Variants in CNOT1 observed in about 807,000 individuals in gnomAD.
CNOT1 encodes the protein CCR4-NOT transcription complex subunit 1.
In CNOT1, 15 loss-of-function variants were observed where a neutral mutation model predicts 273.8. The ratio of observed to expected loss-of-function variants is 0.05; its 90% CI spans 0.04 to 0.08. The LOEUF (loss-of-function observed/expected upper bound fraction) is 0.08. Ranked by LOEUF, CNOT1 falls within the 10% of genes least tolerant of loss-of-function variation. CNOT1 has a pLI of 1.00. For missense variants in CNOT1, 1,644 were observed against 2,912.2 expected, an observed-to-expected ratio of 0.56 and a Z score of 10.02; for synonymous variants, 1,022 against 1,005.5, an observed-to-expected ratio of 1.02 and a Z score of -0.31.
intron 16 of CNOT1, among the ~76,000 whole-genome samples, chr16:58,567,093 G>A (rs1028894280): frequency 6.6e-6 from 1 of 152,018 alleles, no homozygotes; most frequent in Non-Finnish European, 1.5e-5. Context: ...AGGTTGCATT[G>A]AGCTATGATT....
chr16:58,594,574 C>T (rs1287110599), intron 2 of CNOT1, among the ~76,000 whole-genome samples: 3 of 151,956 alleles, frequency 2.0e-5, no homozygotes, highest in Non-Finnish European at 4.4e-5. Context: ...GAGGCTGAGG[C>T]GGGTAGATCA....
chr16:58,592,173 T>C (rs1402196209), intron 2 of CNOT1, among the ~76,000 whole-genome samples: 17 of 152,194 alleles, frequency 1.1e-4, no homozygotes, highest in Admixed American at 1.1e-3. Flanking sequence ...GGCTTAATTT[T>C]AGAGGATAAA....
chr16:58,546,969 A>AAAAAC (rs1450453861), intron 27 of CNOT1, among the ~76,000 whole-genome samples: 6 of 152,198 alleles, frequency 3.9e-5, no homozygotes, highest in African/African-American at 1.4e-4. Context: ...ATCACATTTC[A>AAAAAC]AAAACAAAAC....
Position 58,528,550 on chromosome 16 carries a change from G to C in CNOT1, c.6378C>G (p.Ile2126Met). 1 of 1,612,634 alleles carries C rather than the reference G, an allele frequency of 6.2e-7. No homozygotes were observed. The highest frequency in any genetic ancestry group is 8.5e-7 in the Non-Finnish European group (1 of 1,178,778). ...CACTCAGGATCAAATTTCTTAACTG[G>C]ATACAATTAGGTGGGATCACATCAC... is the stretch of plus-strand genomic sequence containing the variant. ...GFCDVIPPNC[I>M]QLRNLILSAF... Residue 2126 changes from isoleucine (I) to methionine (M), a missense_variant, in exon 44 of 49, where the codon ATC becomes ATG. By Grantham distance (10) the Ile-to-Met change is conservative (BLOSUM62 1). This residue lies in a region of CNOT1 where 140 missense variants were observed against 324.6 expected (regional missense o/e 0.43). Coordinates refer to ENST00000317147, the MANE Select transcript of CNOT1 (RefSeq NM_016284.5).
In CNOT1 at chr16:58,600,272, A is replaced by AGGGATATGGAGGTTGC. The variant is rs11276191; in HGVS notation, c.-174-762_-174-761insGCAACCTCCATATCCC. ...CTGAGGCAGGGGAATTGCTTGAACC[A>AGGGATATGGAGGTTGC]GGTGAGCCGAGATCATGCCACTGCA... On this transcript the variant is annotated intron_variant, in intron 1 of 48. Transcript: ENST00000317147. Among the ~76,000 whole-genome samples the AGGGATATGGAGGTTGC allele has an allele frequency of 5.3e-5, 8 of 151,840 alleles. No homozygotes were observed. The East Asian group carries it at 7.7e-4, about 15-fold the overall frequency.
At chr16:58,530,482 A>G in intron 42 of CNOT1, 135 bp from the exon 43 acceptor site, 2 of 569,378 alleles carry the variant, frequency 3.5e-6, no homozygotes, top group South Asian at 3.8e-5. Context: ...AAGTACTTTT[A>G]CAAAAGATCG....
chr16:58,565,827 C>A (rs1186262745), intron 16 of CNOT1, among the ~76,000 whole-genome samples: 2 of 151,978 alleles, frequency 1.3e-5, no homozygotes, highest in Admixed American at 1.3e-4. Context: ...CGCCTGTCGT[C>A]CCAGCTACTC....
intron 2 of CNOT1, among the ~76,000 whole-genome samples, chr16:58,598,394 T>A (rs890199796): frequency 1.1e-5 from 1 of 94,770 alleles, no homozygotes; most frequent in African/African-American, 3.8e-5. Context: ...CAAGACTCCA[T>A]CTCAAAAAAA....
At chr16:58,626,368 T>C (rs151814) in intron 1 of CNOT1, among the ~76,000 whole-genome samples, 110,465 of 146,206 alleles carry the variant, frequency 0.76, 41,978 homozygotes, top group Middle Eastern at 0.87. Flanking sequence ...GATTCCACCA[T>C]TGCACTCCAG....
chr16:58,525,463 C>T (rs1195244483), intron 45 of CNOT1, 104 bp from the exon 46 acceptor site: 2 of 921,452 alleles, frequency 2.2e-6, no homozygotes, highest in African/African-American at 3.3e-5. Context: ...AAAGGCCAAA[C>T]ATTTATTGTG....
chr16:58,602,575 A>AC (rs2042512991), intron 1 of CNOT1, among the ~76,000 whole-genome samples: 1 of 149,244 alleles, frequency 6.7e-6, no homozygotes, highest in Admixed American at 6.9e-5. Context: ...AAAAAAAAAA[A>AC]AACCCATCCA....
intron 2 of CNOT1, chr16:58,597,548 G>T (rs2042308465): frequency 3.8e-6 from 1 of 266,148 alleles, no homozygotes; most frequent in Non-Finnish European, 7.3e-6. Flanking sequence ...AAAAAAAGTT[G>T]AGAATGAATG....
rs1251321840 is a variant in CNOT1 at position 58,622,342 on chromosome 16, GGGGGGGGGC to G, written c.-175+7377_-175+7385del. Among the ~76,000 whole-genome samples the G allele has an allele frequency of 1.4e-3, 86 of 61,838 alleles. 16 individuals are homozygous for G. Among genetic ancestry groups the G allele is most frequent in the African/African-American group, 3.7e-3 (86 of 23,284 alleles). The allele number at this position is 61,838 out of a possible 152,430, so 40.6% of individuals were successfully genotyped here. Reference sequence around the variant, plus strand: ...AAATGTACCACTCTAGTGGGGGGGGGGGGGGGGGCGGGCGTGGACAATGGGCAAGGCAAA... The same window carrying G: ...AAATGTACCACTCTAGTGGGGGGGGGGGGCGTGGACAATGGGCAAGGCAAA... On this transcript the variant is annotated intron_variant, in intron 1 of 48. Transcript: ENST00000317147.
At chr16:58,554,215 AAAAC>A (rs1306368424) in intron 21 of CNOT1, among the ~76,000 whole-genome samples, 6 of 152,340 alleles carry the variant, frequency 3.9e-5, no homozygotes, top group African/African-American at 1.4e-4. Flanking sequence ...TGTAAAAAAA[AAAAC>A]AGACTACTGA....
chr16:58,524,355 A>G (rs535009003), intron 46 of CNOT1, among the ~76,000 whole-genome samples: 12 of 151,890 alleles, frequency 7.9e-5, no homozygotes, highest in Admixed American at 5.9e-4. Flanking sequence ...CTACACTGGA[A>G]TAAGTATTAT....
intron 16 of CNOT1, among the ~76,000 whole-genome samples, chr16:58,570,206 A>G (rs1395922660): frequency 3.3e-5 from 5 of 152,258 alleles, no homozygotes; most frequent in Non-Finnish European, 7.3e-5. Flanking sequence ...ATTCATTGCT[A>G]GCAGTCCTGC....
At chr16:58,622,997 A>G (rs1434965945) in intron 1 of CNOT1, among the ~76,000 whole-genome samples, 1 of 152,140 alleles carries the variant, frequency 6.6e-6, no homozygotes, top group Non-Finnish European at 1.5e-5. Context: ...CAGGAGTTCG[A>G]GACCAGCCTG....
In CNOT1 at chr16:58,555,500, A is replaced by G; in HGVS notation, c.2642T>C (p.Ile881Thr). 2 of 1,613,976 alleles carry G rather than the reference A, an allele frequency of 1.2e-6. No homozygotes were observed. The highest frequency in any genetic ancestry group is 1.7e-6 in the Non-Finnish European group (2 of 1,180,024). The change falls in exon 21 of 49, where the codon ATA becomes ACA. Residue 881 changes from isoleucine to threonine, a missense_variant. This residue lies in a region of CNOT1 where 74 missense variants were observed against 184.6 expected (regional missense o/e 0.40). Transcript: ENST00000317147. ...EMLQRFKDST[I>T]KREREVFNCM... ...GTTAAATACTTCTCGTTCCCTCTTT[A>G]TAGTAGAGTCTTTAAATCTCTGCAG...
rs2041627774 is a variant in CNOT1, at chr16:58,580,721, A to G, written c.1255T>C (p.Phe419Leu). Residue 419 changes from phenylalanine (F) to leucine (L), a missense_variant, in exon 12 of 49, where the codon TTC becomes CTC. Around this residue, in one of 13 missense-constraint regions of CNOT1, gnomAD observed 706 missense variants for 1,021.2 expected, o/e 0.69. Coordinates refer to ENST00000317147, the MANE Select transcript of CNOT1 (RefSeq NM_016284.5). ...IQHSLINPEI[F>L]CFADYPCHTV... The stretch of plus-strand genomic sequence containing the variant: ...TGACAGGGATAGTCAGCAAAACAGA[A>G]GATCTCTGGATTTATAAGGGAATGT... The G allele has an allele frequency of 2.5e-6, 4 of 1,613,254 alleles. No homozygotes were observed. Among genetic ancestry groups the G allele is most frequent in the Non-Finnish European group, 3.4e-6 (4 of 1,179,636 alleles).
Sources: gnomAD v4.1 joint callset for allele counts (sites outside exome capture counted in the v4.1 genomes callset) on GRCh38, gnomAD v4.1.1 for gene constraint, gnomAD v4.1.1 regional missense constraint, MANE v1.5 for transcripts, NCBI Gene and HGNC (gene_info 2026-07-23, HGNC 2026-07-21) for gene names.